OCIAD1: variants seen among roughly 807,000 people sequenced by gnomAD.
The protein encoded by OCIAD1 is OCIA domain-containing protein 1.
Under a neutral mutation model 38.9 loss-of-function variants are expected in OCIAD1, and 29 were observed. The observed-to-expected ratio is 0.74, with a 90% CI of 0.55 to 1.02. OCIAD1 has a LOEUF of 1.02. OCIAD1 is among the 50% of genes least tolerant of loss of function. The probability of loss-of-function intolerance (pLI) is 0.00; values close to 1 mark genes in which losing one functional copy is unlikely to be tolerated. For synonymous variants in OCIAD1, 110 were observed against 92.0 expected, an observed-to-expected ratio of 1.20 and a Z score of -1.12; for missense variants, 288 against 289.6, an observed-to-expected ratio of 0.99 and a Z score of 0.04.
chr4:48,833,318 G>C, intron 2 of OCIAD1, 83 bp from the exon 3 acceptor site: 1 of 815,356 alleles, frequency 1.2e-6, no homozygotes, highest in South Asian at 1.6e-5. Flanking sequence ...GGTGCCTCTT[G>C]TTAATGTTTA....
At chr4:48,832,213 G>A (rs1777568512) in intron 1 of OCIAD1, among the ~76,000 whole-genome samples, 1 of 152,092 alleles carries the variant, frequency 6.6e-6, no homozygotes, top group African/African-American at 2.4e-5. Flanking sequence ...GAAATGACTT[G>A]AAATTTTTTT....
chr4:48,835,672 C>T (rs1367437280), intron 3 of OCIAD1, among the ~76,000 whole-genome samples: 2 of 151,954 alleles, frequency 1.3e-5, no homozygotes, highest in African/African-American at 4.8e-5. Context: ...TGAGTTCAAG[C>T]GATCTGCCTG....
rs562304806 is a variant in OCIAD1 at position 48,809,393 on chromosome 4, G to T, written c.-103+4063G>T. Among the ~76,000 whole-genome samples the T allele has an allele frequency of 5.3e-5, 8 of 152,042 alleles. No individual in the cohort carries two copies. The East Asian group carries it at 1.5e-3, about 29-fold the overall frequency. On this transcript the variant is annotated intron_variant, in intron 1 of 6. Transcript: ENST00000504654. ...AAAAAAATTAACTGGGAGCGGTGGT[G>T]GGCGCCAATAATCCCAGCTACTTAG... is the stretch of plus-strand genomic sequence containing the variant.
chr4:48,829,271 C>A (rs898708390), upstream of OCIAD1, among the ~76,000 whole-genome samples: 8 of 151,154 alleles, frequency 5.3e-5, no homozygotes, highest in East Asian at 5.8e-4. Context: ...AAAAAAAAAA[C>A]AACAAAAAAC....
At chr4:48,845,122 C>G (rs1246762769) in intron 4 of OCIAD1, among the ~76,000 whole-genome samples, 3 of 152,088 alleles carry the variant, frequency 2.0e-5, no homozygotes, top group East Asian at 1.9e-4. Flanking sequence ...TAAACATGCT[C>G]AGGTCTCCTC....
chr4:48,824,241 CA>C (rs1777226386), intron 1 of OCIAD1, among the ~76,000 whole-genome samples: 1 of 151,908 alleles, frequency 6.6e-6, no homozygotes, highest in African/African-American at 2.4e-5. Flanking sequence ...CTTGGCCTCC[CA>C]AAGTGCTGGG....
rs1239478360 is a variant in OCIAD1, at chr4:48,842,684, G to A, written c.188G>A (p.Ser63Asn). ...ATGTTGATTACTCAAGGATTAATTA[G>A]TAAAGGTAAATATTTAAAATTTGAA... ...TSMLITQGLI[S>N]KGILSSHPKY... is the part of the protein sequence containing the mutation. Residue 63 changes from serine (S) to asparagine (N), a missense_variant, in exon 4 of 9, where the codon AGT (serine) becomes AAT (asparagine). Physicochemically the swap from Ser to Asn is conservative, Grantham distance 46 (BLOSUM62 1). Coordinates refer to ENST00000264312, the MANE Select transcript of OCIAD1 (RefSeq NM_017830.4). 6.5e-7 allele frequency: 1 copy of A among 1,529,332 alleles called. No individual in the cohort carries two copies. Among genetic ancestry groups the A allele is most frequent in the Non-Finnish European group, 8.9e-7 (1 of 1,124,582 alleles). The allele number at this position is 1,529,332 out of a possible 1,614,324, so 94.7% of individuals were successfully genotyped here. A position where few individuals can be genotyped will look rare whatever the true frequency, so the allele number is the denominator to read the frequency against.
chr4:48,806,290 G>C (rs2109483722), intron 1 of OCIAD1, among the ~76,000 whole-genome samples: 1 of 152,016 alleles, frequency 6.6e-6, no homozygotes, highest in East Asian at 1.9e-4. Flanking sequence ...AAATAAATTT[G>C]GAAAAACATT....
intron 1 of OCIAD1, among the ~76,000 whole-genome samples, chr4:48,822,255 C>G (rs763939536): frequency 5.3e-5 from 8 of 152,190 alleles, no homozygotes; most frequent in Non-Finnish European, 1.2e-4. Flanking sequence ...TCACAACCAT[C>G]TGATCTTCAA....
At chr4:48,826,441 A>G (rs1777251650), upstream of OCIAD1, among the ~76,000 whole-genome samples, 1 of 152,076 alleles carries the variant, frequency 6.6e-6, no homozygotes, top group Non-Finnish European at 1.5e-5. Context: ...GCTGAGAATG[A>G]TGGTTTCCAG....
chr4:48,814,230 T>G (rs1369111365), intron 1 of OCIAD1, among the ~76,000 whole-genome samples: 1 of 149,992 alleles, frequency 6.7e-6, no homozygotes, highest in African/African-American at 2.4e-5. Context: ...GGTCACCTCC[T>G]GTGGAGGGGT....
At chr4:48,822,375 A>C (rs926899120) in intron 1 of OCIAD1, among the ~76,000 whole-genome samples, 1 of 152,244 alleles carries the variant, frequency 6.6e-6, no homozygotes, top group Non-Finnish European at 1.5e-5. Flanking sequence ...ACTTCCTTAC[A>C]TCTTACGTAA....
chr4:48,805,636 A>G (rs1416602457), intron 1 of OCIAD1, among the ~76,000 whole-genome samples: 4 of 151,818 alleles, frequency 2.6e-5, no homozygotes, highest in Admixed American at 2.0e-4. Flanking sequence ...GTGAGCTGTG[A>G]TTGGGCCATT....
At chr4:48,816,152 C>T (rs180703240) in intron 1 of OCIAD1, among the ~76,000 whole-genome samples, 2 of 152,256 alleles carry the variant, frequency 1.3e-5, no homozygotes, top group East Asian at 3.9e-4. Context: ...CCATTTATGT[C>T]GACTTATCCA....
In OCIAD1 at chr4:48,831,204, T is replaced by A; in HGVS notation, c.-51T>A. On this transcript the variant is annotated 5_prime_UTR_variant, in exon 1 of 9. It removes the in-frame stop codon of an upstream open reading frame in the 5' UTR. Transcript: ENST00000264312. ...GTCCACCCTCCGGGCCTTCTGCCCCTGATCGCTTGGTTTTCCTTGCAGTCG... is the reference window on the plus strand; with the variant it reads ...GTCCACCCTCCGGGCCTTCTGCCCCAGATCGCTTGGTTTTCCTTGCAGTCG... The A allele has an allele frequency of 3.0e-6, 1 of 336,982 alleles. No individual in the cohort carries two copies. The highest frequency in any genetic ancestry group is 2.2e-5 in the South Asian group (1 of 44,836). The allele number at this position is 336,982 out of a possible 1,614,324, so 20.9% of individuals were successfully genotyped here. A position where few individuals can be genotyped will look rare whatever the true frequency, so the allele number is the denominator to read the frequency against.
chr4:48,806,708 C>A lies in OCIAD1; in HGVS notation c.-103+1378C>A, dbSNP rs552343469. On this transcript the variant is annotated intron_variant, in intron 1 of 6. Transcript: ENST00000504654. ...GAAACCTCTGCCTCCCAGGTTCAAG[C>A]GATTCTCCTGCCTCAGCCTCCCGAG... 1.6e-3 allele frequency among the ~76,000 whole-genome samples: 237 copies of A among 152,186 alleles called. 1 individual carries two copies. The highest frequency in any genetic ancestry group is 5.6e-3 in the African/African-American group (231 of 41,524).
At chr4:48,819,245 G>A (rs1199403700) in intron 1 of OCIAD1, among the ~76,000 whole-genome samples, 1 of 152,104 alleles carries the variant, frequency 6.6e-6, no homozygotes, top group African/African-American at 2.4e-5. Context: ...AACCCTACAA[G>A]CCAGAAGAGA....
chr4:48,817,735 G>C (rs1429160395), intron 1 of OCIAD1, among the ~76,000 whole-genome samples: 1 of 152,198 alleles, frequency 6.6e-6, no homozygotes, highest in Non-Finnish European at 1.5e-5. Context: ...AATCGAGCTT[G>C]GTGTGGGGAG....
At chr4:48,810,886 C>CT (rs1777080962) in intron 1 of OCIAD1, among the ~76,000 whole-genome samples, 1 of 44,300 alleles carries the variant, frequency 2.3e-5, no homozygotes, top group Non-Finnish European at 5.2e-5. Flanking sequence ...TTTTTTCTTT[C>CT]TTTCTTTCTT....
Sources: gnomAD v4.1 joint callset for allele counts (sites outside exome capture counted in the v4.1 genomes callset) on GRCh38, gnomAD v4.1.1 for gene constraint, MANE v1.5 for transcripts, NCBI Gene and HGNC (gene_info 2026-07-23, HGNC 2026-07-21) for gene names.